PRH1: variants seen among roughly 807,000 people sequenced by gnomAD.
The protein encoded by PRH1 is proline rich protein HaeIII subfamily 1.
PRH1 carries 7 observed loss-of-function variants against 7.9 expected under a neutral mutation model. The observed-to-expected ratio is 0.89, with a 90% CI of 0.50 to 1.67. The LOEUF is 1.67. Ranked by LOEUF, PRH1 falls within the 40% of genes most tolerant of loss-of-function variation. The pLI, the probability that PRH1 is intolerant of heterozygous loss-of-function variation, is 0.00. For synonymous variants in PRH1, 45 were observed against 80.8 expected, an observed-to-expected ratio of 0.56 and a Z score of 2.38; for missense variants, 109 against 223.6, an observed-to-expected ratio of 0.49 and a Z score of 3.27.
chr12:11,062,433 T>C lies in PRH1; in HGVS notation n.124-15245A>G, dbSNP rs547076441. ...ACATTCTTTTTACTTTTAATTGCTG[T>C]GACCAGTGTCAAGCCAGAAATCACC... On this transcript the variant is annotated intron_variant and non_coding_transcript_variant, in intron 1 of 4. Coordinates refer to the PRH1 transcript ENST00000541977. 2.9e-5 allele frequency: 34 copies of C among 1,167,548 alleles called. No individual in the cohort carries two copies. The Admixed American group carries it at 7.8e-4, about 27-fold the overall frequency. 72.3% of individuals were successfully genotyped at this position (1,167,548 alleles called of 1,614,324 possible). A position where few individuals can be genotyped will look rare whatever the true frequency, so the allele number is the denominator to read the frequency against.
intron 1 of PRH1, among the ~76,000 whole-genome samples, chr12:11,059,731 C>T (rs201683815): frequency 8.7e-4 from 124 of 141,948 alleles, no homozygotes; most frequent in Non-Finnish European, 9.4e-4. Flanking sequence ...TTTTCCTCTG[C>T]GGAAGGATTC....
chr12:10,972,070 G>A (rs10845260), intron 2 of PRH1, among the ~76,000 whole-genome samples: 36,990 of 152,038 alleles, frequency 0.24, 4,549 homozygotes, highest in Non-Finnish European at 0.25. Flanking sequence ...TTATTGGCAT[G>A]TTGCAAGGGA....
At chr12:10,967,244 T>C (rs1938551646) in intron 2 of PRH1, among the ~76,000 whole-genome samples, 1 of 152,152 alleles carries the variant, frequency 6.6e-6, no homozygotes, top group South Asian at 2.1e-4. Flanking sequence ...TAGAGTTGTA[T>C]GTAAAGATAT....
intron 1 of PRH1, chr12:10,985,866 A>G (rs1364621422): frequency 1.5e-6 from 2 of 1,302,122 alleles, no homozygotes; most frequent in Non-Finnish European, 2.1e-6. Flanking sequence ...AAAAAGTATA[A>G]AATGTTCCAG....
chr12:11,076,079 A>AATATATAT lies in PRH1; in HGVS notation n.124-28899_124-28892dup, dbSNP rs139636107. 2.1e-3 allele frequency among the ~76,000 whole-genome samples: 233 copies of AATATATAT among 108,858 alleles called. 47 individuals carry two copies. Among genetic ancestry groups the AATATATAT allele is most frequent in the South Asian group, 0.014 (58 of 4,036 alleles). The allele number at this position is 108,858 out of a possible 152,430, so 71.4% of individuals were successfully genotyped here. On this transcript the variant is annotated intron_variant and non_coding_transcript_variant, in intron 1 of 4. Coordinates refer to the PRH1 transcript ENST00000541977. Reference sequence around the variant, plus strand: ...ATCTGATACATATATATGTGGATGTAATATATATATATATATCAGATGAGG... The same window carrying AATATATAT: ...ATCTGATACATATATATGTGGATGTAATATATATATATATATATATATATCAGATGAGG...
chr12:10,964,725 G>C, intron 2 of PRH1: 1 of 658,088 alleles, frequency 1.5e-6, no homozygotes, highest in Non-Finnish European at 2.7e-6. Context: ...CCATGGAACT[G>C]CATCTTCTTG....
At chr12:11,017,830 T>C (rs1941375489) in intron 1 of PRH1, among the ~76,000 whole-genome samples, 6 of 152,096 alleles carry the variant, frequency 3.9e-5, no homozygotes, top group Admixed American at 3.3e-4. Context: ...TCCTATATAC[T>C]TCCTATCACT....
intron 1 of PRH1, chr12:11,022,488 G>A (rs12313469): frequency 0.5 from 794,392 of 1,596,860 alleles, 202,538 homozygotes; most frequent in Non-Finnish European, 0.53. Flanking sequence ...CATTTACTAG[G>A]GCTATGAAGC....
intron 2 of PRH1, among the ~76,000 whole-genome samples, chr12:10,944,123 T>C (rs1442625575): frequency 6.6e-6 from 1 of 152,204 alleles, no homozygotes; most frequent in Non-Finnish European, 1.5e-5. Flanking sequence ...AAGAATCTCA[T>C]TGGTAGTTTG....
intron 2 of PRH1, among the ~76,000 whole-genome samples, chr12:10,913,472 T>G (rs1379612149): frequency 1.3e-5 from 2 of 152,148 alleles, no homozygotes; most frequent in Non-Finnish European, 2.9e-5. Context: ...AAAAATCTAT[T>G]TAGTATATAT....
chr12:10,968,514 G>A (rs7303183), intron 2 of PRH1, among the ~76,000 whole-genome samples: 37,027 of 152,134 alleles, frequency 0.24, 4,555 homozygotes, highest in Non-Finnish European at 0.25. Flanking sequence ...ACAATTCAGG[G>A]TAATGGGATA....
rs1432067056 is a variant in PRH1, at chr12:10,957,464, ACGG to A, written c.-59+16188_-59+16190del. ...AAACCTAAAACTATTTTTTTAAAAAACGGAAAAATAACCTAGTAAACACCATTC... is the reference window on the plus strand; with the variant it reads ...AAACCTAAAACTATTTTTTTAAAAAAAAAAATAACCTAGTAAACACCATTC... On this transcript the variant is annotated intron_variant, in intron 2 of 3. Transcript: ENST00000539853. Among the ~76,000 whole-genome samples the A allele has an allele frequency of 4.6e-5, 7 of 151,860 alleles. No homozygotes were observed. In the East Asian group the frequency reaches 1.2e-3, roughly 25 times the overall value.
chr12:11,078,132 C>G (rs973239482), intron 1 of PRH1: 21 of 605,966 alleles, frequency 3.5e-5, no homozygotes, highest in Admixed American at 3.2e-4. Context: ...TCTTTCGTGT[C>G]TTAACCCAGT....
intron 2 of PRH1, among the ~76,000 whole-genome samples, chr12:10,972,335 A>G (rs1273156843): frequency 1.3e-5 from 2 of 152,140 alleles, no homozygotes; most frequent in Non-Finnish European, 2.9e-5. Flanking sequence ...CTGAATGTGC[A>G]CTAATATTTT....
intron 1 of PRH1, among the ~76,000 whole-genome samples, chr12:11,055,165 A>C (rs1943312509): frequency 6.6e-6 from 1 of 151,294 alleles, no homozygotes; most frequent in Admixed American, 6.6e-5. Flanking sequence ...TGACTTTGAG[A>C]AAATATGATT....
At chr12:11,041,983 T>C (rs1387033235) in intron 1 of PRH1, among the ~76,000 whole-genome samples, 2 of 151,514 alleles carry the variant, frequency 1.3e-5, no homozygotes, top group East Asian at 1.9e-4. Flanking sequence ...AAAACAATAC[T>C]AAGAAGGAAA....
chr12:11,016,634 C>G (rs1322089736), intron 1 of PRH1, among the ~76,000 whole-genome samples: 1 of 152,216 alleles, frequency 6.6e-6, no homozygotes, highest in African/African-American at 2.4e-5. Context: ...AGCCATCATA[C>G]CCAGCCTGCA....
intron 2 of PRH1, among the ~76,000 whole-genome samples, chr12:10,926,162 T>A (rs192691442): frequency 5.3e-5 from 8 of 152,326 alleles, no homozygotes; most frequent in Non-Finnish European, 8.8e-5. Flanking sequence ...AAAGCAAAGT[T>A]GAAGTCTCAG....
At chr12:11,059,191 C>T (rs925675921) in intron 1 of PRH1, among the ~76,000 whole-genome samples, 5 of 152,156 alleles carry the variant, frequency 3.3e-5, no homozygotes, top group East Asian at 1.9e-4. Flanking sequence ...GGACTAATGC[C>T]GGCTGTGGTT....
Sources: gnomAD v4.1 joint callset for allele counts (sites outside exome capture counted in the v4.1 genomes callset) on GRCh38, gnomAD v4.1.1 for gene constraint, MANE v1.5 for transcripts, NCBI Gene and HGNC (gene_info 2026-07-23, HGNC 2026-07-21) for gene names.